SOX6: variants seen among roughly 807,000 people sequenced by gnomAD.
The protein encoded by SOX6 is transcription factor SOX-6.
In SOX6, 11 loss-of-function variants were observed where a neutral mutation model predicts 97.8. That is an observed-to-expected ratio of 0.11 (90% CI 0.07 to 0.19). SOX6 has a LOEUF of 0.19. SOX6 is among the 10% of genes least tolerant of loss of function. SOX6 has a pLI of 1.00. For synonymous variants in SOX6, 360 were observed against 371.4 expected (o/e 0.97, Z 0.35); for missense variants, 810 against 1,039.5 (o/e 0.78, Z 3.04).
rs775813084 is a variant in SOX6 at position 16,046,580 on chromosome 11, T to C, written c.1557A>G (p.Pro519=). 1 of 1,613,816 alleles carries C rather than the reference T, an allele frequency of 6.2e-7. No individual in the cohort carries two copies. Reference sequence around the variant, plus strand: ...AGGACAGTTTCCCGTCAACACCATGTGGCTGTTGCTGCTGTTGCTCCCGCT... The same window carrying C: ...AGGACAGTTTCCCGTCAACACCATGCGGCTGTTGCTGCTGTTGCTCCCGCT... ...QIQREQQQQQ[P]HGVDGKLSSI... is the part of the protein sequence containing the mutation. The change falls in exon 12 of 16, where the codon CCA becomes CCG. Residue 519 remains proline (P), a synonymous_variant. Coordinates refer to ENST00000683767, the MANE Select transcript of SOX6 (RefSeq NM_001367873.1).
intron 2 of SOX6, among the ~76,000 whole-genome samples, chr11:16,331,547 T>G (rs771131379): frequency 3.9e-5 from 6 of 152,176 alleles, no homozygotes; most frequent in Non-Finnish European, 5.9e-5. Flanking sequence ...TATGTTAAAT[T>G]CATATGGTGG....
intron 4 of SOX6, among the ~76,000 whole-genome samples, chr11:16,533,677 T>G (rs1379327700): frequency 6.6e-6 from 1 of 152,030 alleles, no homozygotes; most frequent in Non-Finnish European, 1.5e-5. Flanking sequence ...GATGCACGTT[T>G]GAACAGGAGA....
intron 13 of SOX6, among the ~76,000 whole-genome samples, chr11:15,994,822 T>C (rs1854174621): frequency 1.3e-5 from 2 of 152,098 alleles, no homozygotes; most frequent in African/African-American, 4.8e-5. Flanking sequence ...TGTCCTCCAA[T>C]AGATAATAAA....
At chr11:16,194,969 T>C (rs1851732682) in intron 4 of SOX6, among the ~76,000 whole-genome samples, 1 of 152,232 alleles carries the variant, frequency 6.6e-6, no homozygotes, top group African/African-American at 2.4e-5. Context: ...CTCCATAACC[T>C]ACACATAAAA....
At chr11:16,427,779 G>T (rs556062815) in intron 1 of SOX6, among the ~76,000 whole-genome samples, 1 of 152,064 alleles carries the variant, frequency 6.6e-6, no homozygotes, top group African/African-American at 2.4e-5. Flanking sequence ...GAATAGTGCC[G>T]CAATAAACAT....
At chr11:16,380,729 C>T (rs931390979) in intron 1 of SOX6, among the ~76,000 whole-genome samples, 1 of 151,990 alleles carries the variant, frequency 6.6e-6, no homozygotes, top group Non-Finnish European at 1.5e-5. Context: ...GCAAATGAGA[C>T]ATAAAAAGCA....
intron 1 of SOX6, among the ~76,000 whole-genome samples, chr11:16,441,070 A>T (rs1859494335): frequency 6.6e-6 from 1 of 152,090 alleles, no homozygotes; most frequent in Non-Finnish European, 1.5e-5. Flanking sequence ...TCTACAGCCC[A>T]CTAATACTAT....
intron 4 of SOX6, among the ~76,000 whole-genome samples, chr11:16,195,180 T>C (rs544069586): frequency 6.6e-6 from 1 of 152,346 alleles, no homozygotes; most frequent in South Asian, 2.1e-4. Context: ...AAAATTCTTG[T>C]TATCTTAATC....
In SOX6 at chr11:16,487,904, C is replaced by G. The variant is rs10832619; in HGVS notation, n.610-11516G>C. ...GCAAGTAACTTAGATGAGTTGACAC[C>G]GCCTGTTGTGCAAATATGTACTTAG... On this transcript the variant is annotated intron_variant and non_coding_transcript_variant, in intron 4 of 5. Transcript: ENST00000524520. 8.8e-3 allele frequency among the ~76,000 whole-genome samples: 1,337 copies of G among 152,078 alleles called. 22 individuals carry two copies. The highest frequency in any genetic ancestry group is 0.029 in the African/African-American group (1,214 of 41,498).
intron 15 of SOX6, among the ~76,000 whole-genome samples, chr11:15,984,693 C>T (rs932016141): frequency 6.6e-6 from 1 of 152,124 alleles, no homozygotes; most frequent in Admixed American, 6.6e-5. Flanking sequence ...GTCATGTCTT[C>T]ATTTATTAAC....
chr11:16,551,678 A>T (rs185827887), intron 4 of SOX6, among the ~76,000 whole-genome samples: 11 of 152,254 alleles, frequency 7.2e-5, no homozygotes, highest in Admixed American at 7.2e-4. Context: ...ACCTTGGCTC[A>T]CTTCAACCTC....
At chr11:16,489,970 T>A (rs1303486108) in intron 4 of SOX6, among the ~76,000 whole-genome samples, 1 of 152,068 alleles carries the variant, frequency 6.6e-6, no homozygotes, top group African/African-American at 2.4e-5. Context: ...CACAATCTCA[T>A]CTCACCTACC....
chr11:16,324,309 GA>G (rs1856008866), intron 2 of SOX6, among the ~76,000 whole-genome samples: 1 of 152,038 alleles, frequency 6.6e-6, no homozygotes, highest in Admixed American at 6.6e-5. Context: ...AGGAATTGAT[GA>G]TACAACTACA....
chr11:16,714,451 CTTTTTTT>C (rs761435639), intron 3 of SOX6, among the ~76,000 whole-genome samples: 15 of 116,390 alleles, frequency 1.3e-4, no homozygotes, highest in Non-Finnish European at 2.4e-4. Context: ...AATTTTCTTT[CTTTTTTT>C]TTTTTTTTTT....
At chr11:16,732,239 T>C (rs918982012) in intron 2 of SOX6, among the ~76,000 whole-genome samples, 3 of 152,158 alleles carry the variant, frequency 2.0e-5, no homozygotes, top group African/African-American at 4.8e-5. Context: ...AAAAAACTAC[T>C]TCGTTTCATA....
intron 1 of SOX6, among the ~76,000 whole-genome samples, chr11:16,363,973 C>T (rs1251334332): frequency 6.6e-6 from 1 of 152,122 alleles, no homozygotes; most frequent in African/African-American, 2.4e-5. Flanking sequence ...TTTTCCATCA[C>T]CACACTGTCC....
intron 3 of SOX6, among the ~76,000 whole-genome samples, chr11:16,647,107 G>A (rs1849026292): frequency 6.6e-6 from 1 of 152,058 alleles, no homozygotes; most frequent in Admixed American, 6.6e-5. Flanking sequence ...ATTGCATTGT[G>A]GTTTTGATTT....
At chr11:16,398,315 C>A (rs536569864) in intron 1 of SOX6, among the ~76,000 whole-genome samples, 1 of 151,582 alleles carries the variant, frequency 6.6e-6, no homozygotes, top group Admixed American at 6.6e-5. Flanking sequence ...AGCTAAGATT[C>A]CACCTTGTTT....
chr11:16,227,133 T>C (rs1852710927), intron 4 of SOX6, among the ~76,000 whole-genome samples: 1 of 152,196 alleles, frequency 6.6e-6, no homozygotes, highest in African/African-American at 2.4e-5. Flanking sequence ...AATAAAATAA[T>C]GTTAGATGTT....
Sources: gnomAD v4.1 joint callset for allele counts (sites outside exome capture counted in the v4.1 genomes callset) on GRCh38, gnomAD v4.1.1 for gene constraint, MANE v1.5 for transcripts, NCBI Gene and HGNC (gene_info 2026-07-23, HGNC 2026-07-21) for gene names.